The following CTNNA3 variants were observed in gnomAD, a reference collection of about 807,000 sequenced individuals.
The protein encoded by CTNNA3 is catenin alpha-3.
A neutral mutation model predicts 95.7 loss-of-function variants in CTNNA3; 76 were observed. The ratio of observed to expected loss-of-function variants is 0.79; its 90% CI spans 0.66 to 0.96. The LOEUF (loss-of-function observed/expected upper bound fraction) is 0.96, where lower values mean the gene tolerates loss of function less well. Among genes scored for constraint, CTNNA3 ranks in the 40% least tolerant of loss-of-function variants. The probability of loss-of-function intolerance (pLI) is 0.00; values close to 1 mark genes in which losing one functional copy is unlikely to be tolerated. For missense variants in CTNNA3, 1,191 were observed against 1,089.8 expected (o/e 1.09, Z -1.31); for synonymous variants, 431 against 374.4 (o/e 1.15, Z -1.74).
At chr10:67,574,708 C>A (rs544627919) in intron 3 of CTNNA3, among the ~76,000 whole-genome samples, 17 of 151,246 alleles carry the variant, frequency 1.1e-4, no homozygotes, top group African/African-American at 3.6e-4. Context: ...AGCCTTCTGA[C>A]AAGCTGGGAC....
intron 10 of CTNNA3, among the ~76,000 whole-genome samples, chr10:66,583,656 AT>A (rs896660370): frequency 4.0e-5 from 6 of 150,580 alleles, no homozygotes; most frequent in African/African-American, 1.2e-4. Flanking sequence ...GGTCCTTTGG[AT>A]TTTTTTTGTT....
intron 14 of CTNNA3, among the ~76,000 whole-genome samples, chr10:66,098,416 G>A (rs557319900): frequency 1.1e-3 from 162 of 152,118 alleles, no homozygotes; most frequent in Non-Finnish European, 1.9e-3. Context: ...AAAACCAAAC[G>A]GAAAAGATAA....
chr10:66,020,524 ATATT>A (rs1223817047), intron 15 of CTNNA3, among the ~76,000 whole-genome samples: 1 of 152,238 alleles, frequency 6.6e-6, no homozygotes, highest in Non-Finnish European at 1.5e-5. Context: ...CAACTGGAAA[ATATT>A]TAAGCAGGAT....
chr10:66,537,160 T>C (rs2132066416), intron 10 of CTNNA3, among the ~76,000 whole-genome samples: 1 of 152,242 alleles, frequency 6.6e-6, no homozygotes, highest in African/African-American at 2.4e-5. Flanking sequence ...GTTTCTTCAG[T>C]TTGACAAATA....
At chr10:66,102,573 G>GATA (rs1414863523) in intron 14 of CTNNA3, among the ~76,000 whole-genome samples, 1 of 152,192 alleles carries the variant, frequency 6.6e-6, no homozygotes, top group Non-Finnish European at 1.5e-5. Context: ...AGTTGCAAGC[G>GATA]ATAAGTGGCT....
intron 3 of CTNNA3, among the ~76,000 whole-genome samples, chr10:67,574,371 T>G (rs1390657790): frequency 6.6e-6 from 1 of 152,168 alleles, no homozygotes; most frequent in Non-Finnish European, 1.5e-5. Flanking sequence ...TTCCTTCCAA[T>G]GTTTGATAAT....
At chr10:66,345,229 A>T (rs1340138613) in intron 12 of CTNNA3, among the ~76,000 whole-genome samples, 1 of 152,150 alleles carries the variant, frequency 6.6e-6, no homozygotes, top group African/African-American at 2.4e-5. Flanking sequence ...AGGAGATACA[A>T]TAAAGGCTAG....
In CTNNA3 at chr10:66,564,472, C is replaced by T. The variant is rs116533021; in HGVS notation, c.1375-43699G>A. On this transcript the variant is annotated intron_variant, in intron 10 of 17. Coordinates refer to ENST00000433211, the MANE Select transcript of CTNNA3 (RefSeq NM_013266.4). ...ATTCTCTTCCCCTAGCTTCTCCAAG[C>T]CTCTCTGCAAATAGAAAGTGATGAT... is the stretch of plus-strand genomic sequence containing the variant. Among the ~76,000 whole-genome samples, 1,269 of 152,262 alleles carry T rather than the reference C, an allele frequency of 8.3e-3. 17 individuals are homozygous for T. Among genetic ancestry groups the T allele is most frequent in the African/African-American group, 0.029 (1,205 of 41,556 alleles).
chr10:67,515,255 A>G (rs1236245169), intron 5 of CTNNA3, among the ~76,000 whole-genome samples: 1 of 152,250 alleles, frequency 6.6e-6, no homozygotes, highest in Non-Finnish European at 1.5e-5. Flanking sequence ...TGAAGTAGTG[A>G]AAATGATCAA....
At chr10:66,587,165 G>A (rs1183190500) in intron 10 of CTNNA3, among the ~76,000 whole-genome samples, 1 of 152,170 alleles carries the variant, frequency 6.6e-6, no homozygotes, top group African/African-American at 2.4e-5. Flanking sequence ...AGCTGTAGTA[G>A]TAGTGTATTG....
At chr10:66,534,508 A>C (rs1297619359) in intron 10 of CTNNA3, among the ~76,000 whole-genome samples, 1 of 146,782 alleles carries the variant, frequency 6.8e-6, no homozygotes, top group Non-Finnish European at 1.5e-5. Context: ...ATATGTATAT[A>C]TATGATTTTT....
chr10:67,220,875 C>G (rs1589881856), intron 5 of CTNNA3, among the ~76,000 whole-genome samples: 1 of 152,144 alleles, frequency 6.6e-6, no homozygotes, highest in East Asian at 1.9e-4. Flanking sequence ...GAAAAGTATG[C>G]CATTTCTGTG....
intron 7 of CTNNA3, among the ~76,000 whole-genome samples, chr10:66,779,599 G>A (rs911525900): frequency 6.6e-6 from 1 of 152,110 alleles, no homozygotes; most frequent in Non-Finnish European, 1.5e-5. Flanking sequence ...CTGACCTCAG[G>A]TGATCCTCCT....
At chr10:66,601,601 C>A (rs146633873) in intron 10 of CTNNA3, among the ~76,000 whole-genome samples, 1 of 151,838 alleles carries the variant, frequency 6.6e-6, no homozygotes. Flanking sequence ...TACTAACCAT[C>A]TGTAATGGGA....
At chr10:67,387,397 C>T (rs1243230071) in intron 5 of CTNNA3, among the ~76,000 whole-genome samples, 3 of 152,090 alleles carry the variant, frequency 2.0e-5, no homozygotes, top group Non-Finnish European at 4.4e-5. Flanking sequence ...GCACCTGGCT[C>T]GGAGGGTCCT....
intron 9 of CTNNA3, among the ~76,000 whole-genome samples, chr10:66,743,799 AAT>A (rs1849406743): frequency 6.6e-6 from 1 of 151,936 alleles, no homozygotes. Flanking sequence ...AACATGGTGA[AAT>A]CCCGTCTCTG....
intron 11 of CTNNA3, among the ~76,000 whole-genome samples, chr10:66,501,589 G>C (rs1202242990): frequency 1.3e-5 from 2 of 152,110 alleles, no homozygotes; most frequent in African/African-American, 4.8e-5. Flanking sequence ...GTGTTCACTG[G>C]GCACTTGGCT....
chr10:66,660,938 G>A lies in CTNNA3; in HGVS notation c.1282-39154C>T, dbSNP rs144977037. 2.8e-3 allele frequency among the ~76,000 whole-genome samples: 428 copies of A among 152,162 alleles called. 1 individual carries two copies. Among genetic ancestry groups the A allele is most frequent in the African/African-American group, 0.01 (419 of 41,518 alleles). On this transcript the variant is annotated intron_variant, in intron 9 of 17. Coordinates refer to ENST00000433211, the MANE Select transcript of CTNNA3 (RefSeq NM_013266.4). ...ATCTTTTATTCAATATTTTCCCAAGGCCTATGGCAACTAATATTGGTTAAG... is the reference window on the plus strand; with the variant it reads ...ATCTTTTATTCAATATTTTCCCAAGACCTATGGCAACTAATATTGGTTAAG...
chr10:67,472,852 C>T (rs1291140529), intron 5 of CTNNA3, among the ~76,000 whole-genome samples: 1 of 152,172 alleles, frequency 6.6e-6, no homozygotes, highest in Non-Finnish European at 1.5e-5. Flanking sequence ...CTGAGTTGAG[C>T]CCCAATTCTG....
Sources: allele counts gnomAD v4.1 joint callset (sites outside exome capture counted in the v4.1 genomes callset), GRCh38; gene constraint gnomAD v4.1.1; transcripts MANE v1.5; gene names NCBI Gene and HGNC (gene_info 2026-07-23, HGNC 2026-07-21).